TECPR2: variants seen among roughly 807,000 people sequenced by gnomAD.
The protein encoded by TECPR2 is tectonin beta-propeller repeat-containing protein 2.
TECPR2 carries 65 observed loss-of-function variants against 138.1 expected under a neutral mutation model. The ratio of observed to expected loss-of-function variants is 0.47; its 90% CI spans 0.39 to 0.58. TECPR2 has a LOEUF of 0.58. Among genes scored for constraint, TECPR2 ranks in the 20% least tolerant of loss-of-function variants. The pLI, the probability that TECPR2 is intolerant of heterozygous loss-of-function variation, is 0.00. For synonymous variants in TECPR2, 746 were observed against 749.8 expected, an observed-to-expected ratio of 0.99 and a Z score of 0.08; for missense variants, 1,553 against 1,824.5, an observed-to-expected ratio of 0.85 and a Z score of 2.71.
At chr14:102,497,390 G>T in intron 18 of TECPR2, 180 bp from the exon 19 acceptor site, 1 of 1,021,492 alleles carries the variant, frequency 9.8e-7, no homozygotes, top group Non-Finnish European at 1.4e-6. Context: ...CGGTGGCTTT[G>T]CTGGCCCTGC....
intron 16 of TECPR2, among the ~76,000 whole-genome samples, chr14:102,461,452 G>A (rs1890408477): frequency 1.3e-5 from 2 of 152,108 alleles, no homozygotes; most frequent in Non-Finnish European, 2.9e-5. Context: ...AAAATGATAT[G>A]TTTAAGAAAT....
intron 7 of TECPR2, among the ~76,000 whole-genome samples, 181 bp downstream of exon 7, chr14:102,428,563 C>A (rs183820202): frequency 6.6e-6 from 1 of 151,862 alleles, no homozygotes; most frequent in Non-Finnish European, 1.5e-5. Context: ...GACTTTAAGA[C>A]CAGCCTGGGC....
Position 102,501,619 on chromosome 14 carries a change from A to G in TECPR2, c.*3362A>G, listed in dbSNP as rs1050144908. The G allele has an allele frequency of 7.2e-5, 11 of 152,240 alleles. No individual in the cohort carries two copies. Among genetic ancestry groups the G allele is most frequent in the Admixed American group, 2.0e-4 (3 of 15,280 alleles). The allele number at this position is 152,240 out of a possible 1,614,324, so 9.4% of individuals were successfully genotyped here. On this transcript the variant is annotated 3_prime_UTR_variant, in exon 20 of 20. Transcript: ENST00000359520. ...ACCTCAAAGAAGGGAAATAATTGCA[A>G]CAAATGGGAATTGATGTTGAATATT... is the stretch of plus-strand genomic sequence containing the variant.
chr14:102,480,156 C>T (rs977630078), intron 17 of TECPR2, among the ~76,000 whole-genome samples: 1 of 151,784 alleles, frequency 6.6e-6, no homozygotes, highest in Admixed American at 6.6e-5. Flanking sequence ...GGCCTCGGCC[C>T]TCCCTGGAGA....
At chr14:102,370,125 G>A (rs949517043) in intron 1 of TECPR2, among the ~76,000 whole-genome samples, 1 of 151,802 alleles carries the variant, frequency 6.6e-6, no homozygotes, top group African/African-American at 2.4e-5. Context: ...AGGCTGGAGT[G>A]CAATGGCACA....
At chr14:102,421,013 T>C (rs1424638916) in intron 5 of TECPR2, among the ~76,000 whole-genome samples, 1 of 152,216 alleles carries the variant, frequency 6.6e-6, no homozygotes, top group Non-Finnish European at 1.5e-5. Flanking sequence ...CCTCATCTTA[T>C]TTATTTTTTA....
intron 16 of TECPR2, among the ~76,000 whole-genome samples, chr14:102,453,605 G>A (rs933350538): frequency 1.3e-5 from 2 of 152,134 alleles, no homozygotes; most frequent in African/African-American, 4.8e-5. Context: ...GATTCTTGGT[G>A]GATCAGGCAG....
At chr14:102,416,581 G>A (rs1355669060) in intron 5 of TECPR2, among the ~76,000 whole-genome samples, 1 of 152,190 alleles carries the variant, frequency 6.6e-6, no homozygotes, top group Non-Finnish European at 1.5e-5. Flanking sequence ...ATCCTGGTTC[G>A]TCTGTCAATG....
In TECPR2 at chr14:102,415,411, G is replaced by C. The variant is rs535365061; in HGVS notation, c.638+618G>C. Among the ~76,000 whole-genome samples, 74 of 152,274 alleles carry C rather than the reference G, an allele frequency of 4.9e-4. No homozygotes were observed. The highest frequency in any genetic ancestry group is 1.9e-3 in the Admixed American group (29 of 15,294). ...CAGGTTGAGAGATCATTCCTCCTTT[G>C]ACCAGTGATGTGGAGGAAGGGCATC... On this transcript the variant is annotated intron_variant, in intron 5 of 19. Coordinates refer to ENST00000359520, the MANE Select transcript of TECPR2 (RefSeq NM_014844.5). The surrounding 1 kb of genome is among the most constrained non-coding windows in gnomAD (Gnocchi z 4.3).
In TECPR2 at chr14:102,443,603, T is replaced by C; in HGVS notation, c.2753-44T>C. The C allele has an allele frequency of 1.4e-6, 2 of 1,468,636 alleles. No individual in the cohort carries two copies. The highest frequency in any genetic ancestry group is 1.8e-6 in the Non-Finnish European group (2 of 1,093,304). 91.0% of individuals were successfully genotyped at this position (1,468,636 alleles called of 1,614,324 possible). On this transcript the variant is annotated intron_variant, in intron 11 of 19. Transcript: ENST00000359520. The surrounding 1 kb of genome is among the most constrained non-coding windows in gnomAD (Gnocchi z 4.9). ...AACCAAGTCAAAATGAGGTGTGGAG[T>C]TCTGACTGTGTGTCTTTGGGGCTTC...
At chr14:102,402,444 G>A (rs1287212427) in intron 2 of TECPR2, among the ~76,000 whole-genome samples, 3 of 151,550 alleles carry the variant, frequency 2.0e-5, no homozygotes, top group Admixed American at 6.6e-5. Context: ...TAAAAAATAA[G>A]AAAAATCTCA....
At position 102,498,783 on chromosome 14, in the gene TECPR2, G is replaced by A. The variant is rs556217894; in HGVS notation, c.*526G>A. 4.4e-4 allele frequency: 226 copies of A among 514,474 alleles called. 1 individual carries two copies. Among genetic ancestry groups the A allele is most frequent in the Admixed American group, 1.1e-3 (50 of 43,724 alleles). The allele number at this position is 514,474 out of a possible 1,614,324, so 31.9% of individuals were successfully genotyped here. On this transcript the variant is annotated 3_prime_UTR_variant, in exon 20 of 20. Transcript: ENST00000359520. ...CTGCAGAGCACATTCCATGCCAGAC[G>A]CTCTGGCCAGGAAGCTGAGGCCGGG...
At chr14:102,414,343 A>G (rs1888963454) in intron 4 of TECPR2, among the ~76,000 whole-genome samples, 1 of 152,254 alleles carries the variant, frequency 6.6e-6, no homozygotes, top group African/African-American at 2.4e-5. Flanking sequence ...TATGGTGCAC[A>G]GTAAAGAATG....
chr14:102,447,374 G>A (rs755765306), intron 13 of TECPR2, among the ~76,000 whole-genome samples: 5 of 152,048 alleles, frequency 3.3e-5, no homozygotes, highest in African/African-American at 9.7e-5. Context: ...CTCCCAAAGC[G>A]CTGGGATTAC....
intron 5 of TECPR2, among the ~76,000 whole-genome samples, chr14:102,424,483 C>T (rs143885019): frequency 0.012 from 1,759 of 152,232 alleles, 17 homozygotes; most frequent in Middle Eastern, 0.051. Context: ...TACAGGCATG[C>T]GCCACCATGC....
At chr14:102,405,284 G>A (rs1280089034) in intron 2 of TECPR2, among the ~76,000 whole-genome samples, 2 of 152,126 alleles carry the variant, frequency 1.3e-5, no homozygotes, top group Non-Finnish European at 2.9e-5. Flanking sequence ...ACTCCAGCCT[G>A]GGCAACAGAG....
Position 102,497,737 on chromosome 14 carries a change from G to A in TECPR2, c.4081+18G>A. ...TTTCACAGGCAGGTGCCCGGGGCCA[G>A]TGGGCTTAAGGCCCCTTGGGGTTCC... On this transcript the variant is annotated intron_variant, in intron 19 of 19. Coordinates refer to ENST00000359520, the MANE Select transcript of TECPR2 (RefSeq NM_014844.5). 6.3e-7 allele frequency: 1 copy of A among 1,591,758 alleles called. No individual in the cohort carries two copies. Among genetic ancestry groups the A allele is most frequent in the Non-Finnish European group, 8.6e-7 (1 of 1,167,154 alleles).
rs190151106 is a variant in TECPR2, at chr14:102,482,353, G to C, written c.3790-14626G>C. Among the ~76,000 whole-genome samples, 13 of 152,344 alleles carry C rather than the reference G, an allele frequency of 8.5e-5. No individual in the cohort carries two copies. The East Asian group carries it at 2.5e-3, about 29-fold the overall frequency. ...TTACAGGCATGAGCCACTACACCCA[G>C]CCTGCTCATCTAGTTTTCTAAGTGC... is the stretch of plus-strand genomic sequence containing the variant. On this transcript the variant is annotated intron_variant, in intron 17 of 19. Transcript: ENST00000359520.
At chr14:102,494,258 C>T (rs1209880962) in intron 17 of TECPR2, among the ~76,000 whole-genome samples, 1 of 152,140 alleles carries the variant, frequency 6.6e-6, no homozygotes. Context: ...ATAGCTCACT[C>T]GTGGCTGGGC....
Sources: allele counts gnomAD v4.1 joint callset (sites outside exome capture counted in the v4.1 genomes callset), GRCh38; gene constraint gnomAD v4.1.1; non-coding constraint Gnocchi (gnomAD v3.1); transcripts MANE v1.5; gene names NCBI Gene and HGNC (gene_info 2026-07-23, HGNC 2026-07-21).